The following PBX3 variants were observed in gnomAD, a reference collection of about 807,000 sequenced individuals.
PBX3 encodes the protein PBX homeobox 3, also known as pre-B-cell leukemia transcription factor 3.
A neutral mutation model predicts 48.5 loss-of-function variants in PBX3; 14 were observed. The observed-to-expected ratio is 0.29, with a 90% CI of 0.19 to 0.45. The LOEUF (loss-of-function observed/expected upper bound fraction) is 0.45, where lower values mean the gene tolerates loss of function less well. Among genes scored for constraint, PBX3 ranks in the 20% least tolerant of loss-of-function variants. PBX3 has a pLI of 1.00. For synonymous variants in PBX3, 210 were observed against 200.3 expected (o/e 1.05, Z -0.41); for missense variants, 386 against 546.7 (o/e 0.71, Z 2.93).
At chr9:125,811,587 G>A (rs1052462107) in intron 2 of PBX3, among the ~76,000 whole-genome samples, 3 of 152,124 alleles carry the variant, frequency 2.0e-5, no homozygotes, top group African/African-American at 7.2e-5. Context: ...GGCCTCCCCA[G>A]CCATGTGGAA....
Position 125,965,893 on chromosome 9 carries a change from A to G in PBX3, c.1275A>G (p.Pro425=). ...CTGTGACTTCTCCTACAGAAGGCCCAGGAAGTGTGCACTCGGATACCTCTA... is the reference window on the plus strand; with the variant it reads ...CTGTGACTTCTCCTACAGAAGGCCCGGGAAGTGTGCACTCGGATACCTCTA... ...PSSVTSPTEG[P]GSVHSDTSN Residue 425 remains proline, a synonymous_variant, in exon 9 of 9, where the codon CCA becomes CCG. Transcript: ENST00000373489. The G allele has an allele frequency of 1.2e-6, 2 of 1,614,124 alleles. No individual in the cohort carries two copies. The highest frequency in any genetic ancestry group is 1.7e-6 in the Non-Finnish European group (2 of 1,179,952).
intron 2 of PBX3, among the ~76,000 whole-genome samples, chr9:125,801,511 T>A (rs1340463981): frequency 6.6e-6 from 1 of 152,196 alleles, no homozygotes; most frequent in African/African-American, 2.4e-5. Context: ...TTACCATAAA[T>A]TTTTCCATTA....
At chr9:125,757,946 G>C (rs1362298327) in intron 2 of PBX3, among the ~76,000 whole-genome samples, 1 of 152,142 alleles carries the variant, frequency 6.6e-6, no homozygotes, top group Non-Finnish European at 1.5e-5. Context: ...AGAATCAGTA[G>C]AGAAAAAAAT....
intron 2 of PBX3, among the ~76,000 whole-genome samples, chr9:125,839,800 T>G (rs1839238631): frequency 6.6e-6 from 1 of 152,198 alleles, no homozygotes; most frequent in African/African-American, 2.4e-5. Flanking sequence ...ATATGATTCT[T>G]AAACATTCCA....
At chr9:125,863,899 G>A (rs1839920746) in intron 2 of PBX3, among the ~76,000 whole-genome samples, 1 of 152,174 alleles carries the variant, frequency 6.6e-6, no homozygotes, top group Non-Finnish European at 1.5e-5. Flanking sequence ...TCCAAAGTGG[G>A]TGTTATTCTT....
chr9:125,878,517 T>G (rs1840308360), intron 2 of PBX3, among the ~76,000 whole-genome samples: 1 of 152,228 alleles, frequency 6.6e-6, no homozygotes, highest in South Asian at 2.1e-4. Flanking sequence ...CAAGTTGAAC[T>G]GCAGGAGGTA....
intron 2 of PBX3, among the ~76,000 whole-genome samples, chr9:125,833,999 A>G (rs1202130665): frequency 1.3e-5 from 2 of 152,228 alleles, no homozygotes; most frequent in Admixed American, 6.5e-5. Flanking sequence ...AACTTTAAAC[A>G]GTATCATTAA....
chr9:125,813,466 C>A (rs1237703696), intron 2 of PBX3, among the ~76,000 whole-genome samples: 3 of 152,166 alleles, frequency 2.0e-5, no homozygotes, highest in Admixed American at 6.5e-5. Flanking sequence ...TAAATGCAAA[C>A]CCCAACTGTA....
At chr9:125,799,765 A>G (rs1271708616) in intron 2 of PBX3, among the ~76,000 whole-genome samples, 1 of 152,206 alleles carries the variant, frequency 6.6e-6, no homozygotes, top group Non-Finnish European at 1.5e-5. Context: ...TAAAAATGTC[A>G]TGAGCTAGAA....
At chr9:125,918,556 A>C (rs1173446858) in intron 3 of PBX3, among the ~76,000 whole-genome samples, 1 of 152,192 alleles carries the variant, frequency 6.6e-6, no homozygotes, top group Non-Finnish European at 1.5e-5. Context: ...AACGATCTAA[A>C]TATATAGTTC....
At chr9:125,854,212 C>T (rs1839660044) in intron 2 of PBX3, among the ~76,000 whole-genome samples, 1 of 151,898 alleles carries the variant, frequency 6.6e-6, no homozygotes, top group Non-Finnish European at 1.5e-5. Context: ...GCTCACTGCA[C>T]CCCCAACCTC....
At chr9:125,826,871 G>A (rs149079349) in intron 2 of PBX3, among the ~76,000 whole-genome samples, 2 of 152,038 alleles carry the variant, frequency 1.3e-5, no homozygotes, top group African/African-American at 4.8e-5. Flanking sequence ...ATTTCTCTGT[G>A]TTTGGTAACA....
At chr9:125,866,310 G>A (rs747840348) in intron 2 of PBX3, among the ~76,000 whole-genome samples, 5 of 152,182 alleles carry the variant, frequency 3.3e-5, no homozygotes, top group Non-Finnish European at 7.4e-5. Context: ...CTGTGTATTT[G>A]CTTGAATCAC....
intron 4 of PBX3, 88 bp downstream of exon 4, chr9:125,929,933 T>G: frequency 2.0e-6 from 2 of 1,003,166 alleles, no homozygotes; most frequent in Admixed American, 4.1e-5. Context: ...CAGTTGGTCT[T>G]AGATTCTTTT....
At chr9:125,943,816 A>T (rs1564185030) in intron 5 of PBX3, among the ~76,000 whole-genome samples, 1 of 152,038 alleles carries the variant, frequency 6.6e-6, no homozygotes, top group Non-Finnish European at 1.5e-5. Context: ...TGGTTCTGTT[A>T]CCCACTTGGC....
At chr9:125,814,606 T>C (rs1421469205) in intron 2 of PBX3, among the ~76,000 whole-genome samples, 1 of 152,174 alleles carries the variant, frequency 6.6e-6, no homozygotes, top group Admixed American at 6.5e-5. Flanking sequence ...GGAACAGAAA[T>C]GGAGAGACTA....
At chr9:125,961,978 G>A in intron 6 of PBX3, 124 bp from the exon 7 acceptor site, 1 of 518,006 alleles carries the variant, frequency 1.9e-6, no homozygotes, top group Admixed American at 3.3e-5. Context: ...CTTAGATCTG[G>A]AAATGCTTTA....
At chr9:125,809,892 G>T (rs1838237264) in intron 2 of PBX3, among the ~76,000 whole-genome samples, 2 of 152,136 alleles carry the variant, frequency 1.3e-5, no homozygotes, top group Non-Finnish European at 2.9e-5. Flanking sequence ...GGAAAGAAAA[G>T]AAAATTGAAT....
At chr9:125,790,166 T>G (rs1837559737) in intron 2 of PBX3, among the ~76,000 whole-genome samples, 1 of 152,184 alleles carries the variant, frequency 6.6e-6, no homozygotes, top group Non-Finnish European at 1.5e-5. Flanking sequence ...CTTAGTCAAC[T>G]GTGTATGAGG....
Sources: gnomAD v4.1 joint callset for allele counts (sites outside exome capture counted in the v4.1 genomes callset) on GRCh38, gnomAD v4.1.1 for gene constraint, MANE v1.5 for transcripts, NCBI Gene and HGNC (gene_info 2026-07-23, HGNC 2026-07-21) for gene names.